PCDHGA3: variants seen among roughly 807,000 people sequenced by gnomAD.
The protein encoded by PCDHGA3 is protocadherin gamma subfamily A, 3, also known as protocadherin gamma-A3.
Under a neutral mutation model 58.5 loss-of-function variants are expected in PCDHGA3, and 40 were observed. That is an observed-to-expected ratio of 0.68 (90% CI 0.53 to 0.89). The LOEUF is 0.89. Ranked by LOEUF, PCDHGA3 falls within the 40% of genes least tolerant of loss-of-function variation. The pLI is 0.00. For synonymous variants in PCDHGA3, 530 were observed against 525.7 expected, an observed-to-expected ratio of 1.01 and a Z score of -0.11; for missense variants, 1,223 against 1,195.9, an observed-to-expected ratio of 1.02 and a Z score of -0.33.
intron 1 of PCDHGA3, chr5:141,471,433 T>C (rs2099257619): frequency 6.6e-6 from 1 of 152,162 alleles, no homozygotes; most frequent in African/African-American, 2.4e-5. Flanking sequence ...GGAAAGTGTA[T>C]AATCTCATGT....
intron 1 of PCDHGA3, among the ~76,000 whole-genome samples, chr5:141,354,260 G>C (rs914348082): frequency 6.6e-6 from 1 of 151,652 alleles, no homozygotes; most frequent in Non-Finnish European, 1.5e-5. Context: ...CATTGTTTTA[G>C]GCTTTGCATT....
At chr5:141,405,309 A>T (rs1019536231) in intron 1 of PCDHGA3, 2 of 1,614,068 alleles carry the variant, frequency 1.2e-6, no homozygotes, top group Non-Finnish European at 1.7e-6. Context: ...CAGAGCTGTG[A>T]GAAAAATGAG....
chr5:141,389,905 C>T (rs1254194844), intron 1 of PCDHGA3: 1 of 1,613,984 alleles, frequency 6.2e-7, no homozygotes, highest in Non-Finnish European at 8.5e-7. Flanking sequence ...CCGGATATCA[C>T]TGACCGCCCC....
intron 3 of PCDHGA3, among the ~76,000 whole-genome samples, chr5:141,509,353 C>A (rs2099876446): frequency 6.6e-6 from 1 of 152,170 alleles, no homozygotes; most frequent in Non-Finnish European, 1.5e-5. Context: ...CTGGCCTGGG[C>A]ATCCCTGAGG....
At chr5:141,393,175 T>C in intron 1 of PCDHGA3, 2 of 1,613,210 alleles carry the variant, frequency 1.2e-6, no homozygotes, top group Non-Finnish European at 1.7e-6. Flanking sequence ...GGGGTAGAAA[T>C]AGAAATAATT....
intron 2 of PCDHGA3, among the ~76,000 whole-genome samples, chr5:141,498,971 G>GGAA (rs2099787559): frequency 9.0e-6 from 1 of 110,972 alleles, no homozygotes; most frequent in African/African-American, 3.6e-5. Flanking sequence ...GAGGGAGGGA[G>GGAA]GGAAGGAAGG....
intron 1 of PCDHGA3, chr5:141,415,349 A>G (rs921019257): frequency 1.2e-6 from 2 of 1,614,220 alleles, no homozygotes; most frequent in Non-Finnish European, 1.7e-6. Flanking sequence ...CGCTGGCACA[A>G]GTCACGCCTG....
intron 1 of PCDHGA3, chr5:141,364,663 G>T: frequency 6.2e-7 from 1 of 1,614,042 alleles, no homozygotes; most frequent in Non-Finnish European, 8.5e-7. Flanking sequence ...TCTTGGTTGA[G>T]AACAAAATGA....
intron 1 of PCDHGA3, chr5:141,379,317 C>T (rs914765409): frequency 1.3e-5 from 2 of 152,162 alleles, no homozygotes; most frequent in East Asian, 1.9e-4. Context: ...AACAAGAGAT[C>T]TAATCATACA....
intron 1 of PCDHGA3, chr5:141,393,237 AT>A: frequency 1.2e-6 from 2 of 1,613,802 alleles, no homozygotes; most frequent in South Asian, 1.1e-5. Flanking sequence ...AGAAGTAAAA[AT>A]TAACGAAATC....
chr5:141,365,232 T>A (rs762059066), intron 1 of PCDHGA3: 2 of 1,613,878 alleles, frequency 1.2e-6, no homozygotes, highest in East Asian at 4.5e-5. Flanking sequence ...CTGGGGGAAA[T>A]CTCAACTCTA....
At chr5:141,415,023 C>A (rs1213037511) in intron 1 of PCDHGA3, 1 of 1,613,530 alleles carries the variant, frequency 6.2e-7, no homozygotes, top group East Asian at 2.2e-5. Flanking sequence ...TCAAGGCCAG[C>A]GAGCCGGGAC....
chr5:141,413,050 G>C (rs868475186), intron 1 of PCDHGA3: 5 of 939,920 alleles, frequency 5.3e-6, no homozygotes, highest in Middle Eastern at 3.3e-4. Flanking sequence ...CTGCAGGGAA[G>C]CTCACTCCAG....
At chr5:141,366,064 G>A (rs761173450) in intron 1 of PCDHGA3, 4 of 1,614,106 alleles carry the variant, frequency 2.5e-6, no homozygotes, top group African/African-American at 1.3e-5. Flanking sequence ...TGGAGCTGGC[G>A]CCTCGCTCCG....
At chr5:141,382,929 C>A (rs1163790741) in intron 1 of PCDHGA3, 10 of 1,582,396 alleles carry the variant, frequency 6.3e-6, no homozygotes, top group Non-Finnish European at 8.6e-6. Flanking sequence ...GCGGGGACTA[C>A]AGAGGATTCT....
Position 141,432,320 on chromosome 5 carries a change from G to A in PCDHGA3, c.2425-62487G>A, listed in dbSNP as rs369088426. 4 of 1,614,120 alleles carry A rather than the reference G, an allele frequency of 2.5e-6. No individual in the cohort carries two copies. The African/African-American group carries it at 4.0e-5, about 16-fold the overall frequency. On this transcript the variant is annotated intron_variant, in intron 1 of 3. Coordinates refer to ENST00000253812, the MANE Select transcript of PCDHGA3 (RefSeq NM_018916.4). The surrounding 1 kb of genome is among the most constrained non-coding windows in gnomAD (Gnocchi z 6.0). ...GGTACTGTATGCGCTGAGCTCCTTC[G>A]ACTACGAGCAGTTCCGAGACTTGCA...
Position 141,438,239 on chromosome 5 carries a change from A to C in PCDHGA3, c.2425-56568A>C, listed in dbSNP as rs550172792. Among the ~76,000 whole-genome samples, 9 of 152,298 alleles carry C rather than the reference A, an allele frequency of 5.9e-5. No homozygotes were observed. In the East Asian group the frequency reaches 1.7e-3, roughly 29 times the overall value. On this transcript the variant is annotated intron_variant, in intron 1 of 3. Transcript: ENST00000253812. ...GCTCTGGTTCAGGAAAATGTTTTTA[A>C]AAAACTGTCATTGAAGAGACCATAG...
At chr5:141,421,025 A>C (rs1047305594) in intron 1 of PCDHGA3, 4 of 526,168 alleles carry the variant, frequency 7.6e-6, no homozygotes, top group African/African-American at 5.9e-5. Context: ...GCTGCGCGCC[A>C]TTGAGTCCCT....
chr5:141,477,191 A>C lies in PCDHGA3; in HGVS notation c.2425-17616A>C. 1 of 1,614,210 alleles carries C rather than the reference A, an allele frequency of 6.2e-7. No individual in the cohort carries two copies. The highest frequency in any genetic ancestry group is 1.1e-5 in the South Asian group (1 of 91,086). ...GGAGATCACAGTCACCTCCGTGTAC[A>C]GCCCAGTACCCGAGGATGCCCCTCT... On this transcript the variant is annotated intron_variant, in intron 1 of 3. Coordinates refer to ENST00000253812, the MANE Select transcript of PCDHGA3 (RefSeq NM_018916.4). This position sits in a 1 kb window ranked among gnomAD's most constrained non-coding sequence, Gnocchi z 4.9.
Sources: gnomAD v4.1 joint callset for allele counts (sites outside exome capture counted in the v4.1 genomes callset) on GRCh38, gnomAD v4.1.1 for gene constraint, Gnocchi (gnomAD v3.1) non-coding constraint, MANE v1.5 for transcripts, NCBI Gene and HGNC (gene_info 2026-07-23, HGNC 2026-07-21) for gene names.